The following NTPCR variants were observed in gnomAD, a reference collection of about 807,000 sequenced individuals.
NTPCR encodes the protein cancer-related nucleoside-triphosphatase.
NTPCR carries 15 observed loss-of-function variants against 19.5 expected under a neutral mutation model. That is an observed-to-expected ratio of 0.77 (90% CI 0.51 to 1.18). NTPCR has a LOEUF of 1.18. Among genes scored for constraint, NTPCR ranks in the 50% most tolerant of loss-of-function variants. NTPCR has a pLI of 0.00. For synonymous variants in NTPCR, 90 were observed against 95.8 expected, an observed-to-expected ratio of 0.94 and a Z score of 0.36; for missense variants, 206 against 240.4, an observed-to-expected ratio of 0.86 and a Z score of 0.95.
chr1:232,975,659 C>T (rs1669105447), intron 4 of NTPCR, among the ~76,000 whole-genome samples: 1 of 152,222 alleles, frequency 6.6e-6, no homozygotes, highest in South Asian at 2.1e-4. Context: ...CTTATCTTCA[C>T]TGTGCCCAGG....
rs1668934761 is a variant in NTPCR at position 232,970,080 on chromosome 1, GA to G, written c.468del (p.Glu157LysfsTer8). ...TAAAGGAAAGCCACTGGCTCTTGTAGAAGAAATCAGAAACAGAAAGGATGTG... is the reference window on the plus strand; with the variant it reads ...TAAAGGAAAGCCACTGGCTCTTGTAGAGAAATCAGAAACAGAAAGGATGTG... ...VPKGKPLALV[E>X]EIRNRKDVKV... is the part of the protein sequence containing the mutation. On this transcript the variant is annotated frameshift_variant, in exon 4 of 5. Coordinates refer to ENST00000366628, the MANE Select transcript of NTPCR (RefSeq NM_032324.3). LOFTEE classifies it high-confidence loss of function. 1 of 1,613,974 alleles carries G rather than the reference GA, an allele frequency of 6.2e-7. No homozygotes were observed. The highest frequency in any genetic ancestry group is 1.3e-5 in the African/African-American group (1 of 74,924).
intron 4 of NTPCR, among the ~76,000 whole-genome samples, chr1:232,972,889 C>G (rs900599854): frequency 1.3e-5 from 2 of 152,176 alleles, no homozygotes; most frequent in African/African-American, 4.8e-5. Context: ...GGCATGATCT[C>G]TGCCCTCAAG....
At chr1:232,957,483 C>A (rs1489358466) in intron 3 of NTPCR, among the ~76,000 whole-genome samples, 1 of 152,226 alleles carries the variant, frequency 6.6e-6, no homozygotes, top group East Asian at 1.9e-4. Flanking sequence ...TATAGTTGTT[C>A]ATAGATTCAC....
intron 3 of NTPCR, chr1:232,967,830 T>G (rs1231444437): frequency 6.6e-6 from 1 of 152,198 alleles, no homozygotes; most frequent in African/African-American, 2.4e-5. Flanking sequence ...TCTTCGTCTC[T>G]GGGGGCAGCA....
At chr1:232,963,867 G>T (rs1558129824) in intron 3 of NTPCR, 1 of 151,570 alleles carries the variant, frequency 6.6e-6, no homozygotes, top group Non-Finnish European at 1.5e-5. Context: ...GTGTGTGTGT[G>T]TTTGTGTGTG....
chr1:232,967,402 G>A (rs1668851719), intron 3 of NTPCR: 1 of 152,054 alleles, frequency 6.6e-6, no homozygotes, highest in African/African-American at 2.4e-5. Flanking sequence ...TGAAGTTCTT[G>A]GATTATAAAA....
intron 3 of NTPCR, chr1:232,963,535 C>T (rs902448413): frequency 2.0e-5 from 3 of 152,152 alleles, no homozygotes; most frequent in Non-Finnish European, 4.4e-5. Context: ...CTTTTTCCCT[C>T]TCACTTTGTC....
rs755592196 is a variant in NTPCR at position 232,979,771 on chromosome 1, G to A, written c.*1540G>A. On this transcript the variant is annotated 3_prime_UTR_variant, in exon 5 of 5. Transcript: ENST00000366628. The surrounding 1 kb of genome is among the most constrained non-coding windows in gnomAD (Gnocchi z 5.3). Reference sequence around the variant, plus strand: ...TGCCTCAGTGGGCCAGGAGAGGCACGGCCTCTGAGTTGGGTAGAGGCTTCC... The same window carrying A: ...TGCCTCAGTGGGCCAGGAGAGGCACAGCCTCTGAGTTGGGTAGAGGCTTCC... 7 of 152,226 alleles carry A rather than the reference G, an allele frequency of 4.6e-5. No individual in the cohort carries two copies. The highest frequency in any genetic ancestry group is 2.1e-4 in the South Asian group (1 of 4,832). The allele number at this position is 152,226 out of a possible 1,614,324, so 9.4% of individuals were successfully genotyped here. A position where few individuals can be genotyped will look rare whatever the true frequency, so the allele number is the denominator to read the frequency against.
At chr1:232,961,535 C>G (rs766467960) in intron 3 of NTPCR, among the ~76,000 whole-genome samples, 1 of 152,174 alleles carries the variant, frequency 6.6e-6, no homozygotes. Flanking sequence ...ATTGCTCTTC[C>G]CATTTATTTT....
intron 1 of NTPCR, among the ~76,000 whole-genome samples, chr1:232,954,850 G>T (rs1668470024): frequency 6.6e-6 from 1 of 152,156 alleles, no homozygotes; most frequent in African/African-American, 2.4e-5. Flanking sequence ...TGGACAGGAA[G>T]GATCAAGGTG....
intron 2 of NTPCR, 105 bp downstream of exon 2, chr1:232,955,824 T>C: frequency 8.8e-7 from 1 of 1,136,152 alleles, no homozygotes. Context: ...GCAGATACTC[T>C]GTTGGGTCCT....
At chr1:232,960,245 G>A (rs1182977702) in intron 3 of NTPCR, among the ~76,000 whole-genome samples, 3 of 147,740 alleles carry the variant, frequency 2.0e-5, no homozygotes, top group South Asian at 2.1e-4. Context: ...AAAAGTGGCC[G>A]GGAGCTGAAG....
At position 232,955,708 on chromosome 1, in the gene NTPCR, A is replaced by G. The variant is rs745526026; in HGVS notation, c.186A>G (p.Leu62=). 1.9e-6 allele frequency: 3 copies of G among 1,613,816 alleles called. No homozygotes were observed. Among genetic ancestry groups the G allele is most frequent in the South Asian group, 2.2e-5 (2 of 91,070 alleles). ...CGTTGTCCGGCACCCGGGGGCCTTT[A>G]TCGAGAGTTGGGTACTGATATTTCA... ...VVTLSGTRGP[L]SRVGLEPPPG... The change falls in exon 2 of 5, where the codon TTA becomes TTG. Residue 62 remains leucine, a synonymous_variant. Transcript: ENST00000366628.
chr1:232,953,095 G>A (rs954074434), intron 1 of NTPCR, among the ~76,000 whole-genome samples: 1 of 152,196 alleles, frequency 6.6e-6, no homozygotes, highest in African/African-American at 2.4e-5. Flanking sequence ...CCAGGGGGTT[G>A]AAGCTCCAGC....
At chr1:232,953,615 A>AC (rs1263740540) in intron 1 of NTPCR, among the ~76,000 whole-genome samples, 2 of 152,142 alleles carry the variant, frequency 1.3e-5, no homozygotes, top group Non-Finnish European at 2.9e-5. Flanking sequence ...GAATTAAAAA[A>AC]AACAAGAAAA....
At position 232,950,695 on chromosome 1, in the gene NTPCR, A is replaced by G. The variant is rs748182550; in HGVS notation, c.-16A>G. ...GACTGCTCCCCTGACCGCAACCCCT[A>G]CCCCCGCCCACCAGTATGGCCCGGC... On this transcript the variant is annotated 5_prime_UTR_variant, in exon 1 of 5. Coordinates refer to ENST00000366628, the MANE Select transcript of NTPCR (RefSeq NM_032324.3). 4 of 1,603,136 alleles carry G rather than the reference A, an allele frequency of 2.5e-6. No individual in the cohort carries two copies. The African/African-American group carries it at 5.4e-5, about 22-fold the overall frequency.
At position 232,983,401 on chromosome 1, in the gene NTPCR, G is replaced by A. The variant is rs907067435; in HGVS notation, c.*5170G>A. On this transcript the variant is annotated 3_prime_UTR_variant, in exon 5 of 5. Coordinates refer to ENST00000366628, the MANE Select transcript of NTPCR (RefSeq NM_032324.3). The stretch of plus-strand genomic sequence containing the variant: ...AAAGATATACTTGTAGAAATGAGAA[G>A]CTTCAGTATAACTCAAAACACTGGA... 6.6e-6 allele frequency: 1 copy of A among 152,196 alleles called. No individual in the cohort carries two copies. The highest frequency in any genetic ancestry group is 1.5e-5 in the Non-Finnish European group (1 of 68,044). 9.4% of individuals were successfully genotyped at this position (152,196 alleles called of 1,614,324 possible).
chr1:232,951,100 G>A (rs1039274146), intron 1 of NTPCR: 4 of 248,496 alleles, frequency 1.6e-5, no homozygotes, highest in African/African-American at 8.9e-5. Flanking sequence ...GCGATGTGAA[G>A]TGGAGATGTC....
intron 2 of NTPCR, 80 bp downstream of exon 2, chr1:232,955,799 C>A: frequency 1.5e-6 from 2 of 1,371,890 alleles, no homozygotes; most frequent in Non-Finnish European, 1.0e-6. Context: ...TCAACAAGAG[C>A]TAAATTCACC....
Sources: gnomAD v4.1 joint callset for allele counts (sites outside exome capture counted in the v4.1 genomes callset) on GRCh38, gnomAD v4.1.1 for gene constraint, Gnocchi (gnomAD v3.1) non-coding constraint, MANE v1.5 for transcripts, NCBI Gene and HGNC (gene_info 2026-07-23, HGNC 2026-07-21) for gene names.